Variants in TCF4 observed in about 807,000 individuals in gnomAD.
TCF4 encodes transcription factor 4, also known as SL3-3 enhancer factor 2.
In TCF4, 3 loss-of-function variants were observed where a neutral mutation model predicts 82.1. The observed-to-expected ratio is 0.04, with a 90% CI of 0.02 to 0.09. TCF4 has a LOEUF of 0.09. Ranked by LOEUF, TCF4 falls within the 10% of genes least tolerant of loss-of-function variation. The pLI is 1.00. For missense variants in TCF4, 518 were observed against 852.7 expected (o/e 0.61, Z 4.89); for synonymous variants, 276 against 309.6 (o/e 0.89, Z 1.14).
At chr18:55,381,133 A>G (rs1166026097) in intron 6 of TCF4, among the ~76,000 whole-genome samples, 1 of 152,238 alleles carries the variant, frequency 6.6e-6, no homozygotes, top group Non-Finnish European at 1.5e-5. Flanking sequence ...AGTAAAGAAT[A>G]GCACGAAATG....
intron 5 of TCF4, among the ~76,000 whole-genome samples, chr18:55,422,001 G>C (rs2094778076): frequency 1.3e-5 from 2 of 149,226 alleles, no homozygotes; most frequent in South Asian, 2.1e-4. Context: ...TACATTTGAA[G>C]AACAACACTA....
intron 3 of TCF4, among the ~76,000 whole-genome samples, chr18:55,520,276 T>G (rs1277590109): frequency 6.6e-6 from 1 of 152,172 alleles, no homozygotes; most frequent in Non-Finnish European, 1.5e-5. Context: ...GATAAAGTAC[T>G]GTAAAATAAA....
chr18:55,512,676 A>G (rs2096839992), intron 3 of TCF4, among the ~76,000 whole-genome samples: 2 of 152,130 alleles, frequency 1.3e-5, no homozygotes, highest in Admixed American at 1.3e-4. Context: ...AGTGGTATAT[A>G]TAGATGAGCC....
In TCF4 at chr18:55,228,769, A is replaced by G. The variant is rs8087569; in HGVS notation, c.1879+78T>C. ...GAAAGTCTACTGTCTGCCACTGCTCAAGACTGGCGTGCCCATCTCAGCTTG... is the reference window on the plus strand; with the variant it reads ...GAAAGTCTACTGTCTGCCACTGCTCGAGACTGGCGTGCCCATCTCAGCTTG... On this transcript the variant is annotated intron_variant, in intron 18 of 19. Coordinates refer to ENST00000354452, the MANE Select transcript of TCF4 (RefSeq NM_001083962.2). 0.11 allele frequency: 155,195 copies of G among 1,461,078 alleles called. 9,109 individuals are homozygous for G. Among genetic ancestry groups the G allele is most frequent in the African/African-American group, 0.13 (9,166 of 71,886 alleles). The allele number at this position is 1,461,078 out of a possible 1,614,324, so 90.5% of individuals were successfully genotyped here. A position where few individuals can be genotyped will look rare whatever the true frequency, so the allele number is the denominator to read the frequency against.
chr18:55,524,565 TATTG>T (rs374768885), intron 3 of TCF4, among the ~76,000 whole-genome samples: 145 of 152,266 alleles, frequency 9.5e-4, no homozygotes, highest in African/African-American at 2.5e-3. Context: ...TTGATTAAGT[TATTG>T]ATTAAGTAAA....
chr18:55,261,447 A>G lies in TCF4; in HGVS notation c.990+19T>C, dbSNP rs1406213131. The G allele has an allele frequency of 6.2e-7, 1 of 1,613,610 alleles. No individual in the cohort carries two copies. Among genetic ancestry groups the G allele is most frequent in the Admixed American group, 1.7e-5 (1 of 59,984 alleles). ...CTTTACAATGGTACATATGGAGTCC[A>G]AAGTCAATATTTCCTCACCGAAGCA... is the stretch of plus-strand genomic sequence containing the variant. On this transcript the variant is annotated intron_variant, in intron 12 of 19. Transcript: ENST00000354452.
intron 3 of TCF4, among the ~76,000 whole-genome samples, chr18:55,584,757 A>G (rs1407060753): frequency 1.3e-5 from 2 of 152,172 alleles, no homozygotes; most frequent in East Asian, 1.9e-4. Flanking sequence ...GGTATTTTAA[A>G]TATAAATGAA....
chr18:55,466,821 A>G (rs2096034282), intron 3 of TCF4, among the ~76,000 whole-genome samples: 1 of 152,218 alleles, frequency 6.6e-6, no homozygotes, highest in Non-Finnish European at 1.5e-5. Context: ...GGCAATTTCA[A>G]AAGCGAGCAA....
At chr18:55,274,199 A>G (rs1263070920) in intron 10 of TCF4, among the ~76,000 whole-genome samples, 3 of 152,192 alleles carry the variant, frequency 2.0e-5, no homozygotes, top group African/African-American at 7.2e-5. Flanking sequence ...AATAGTTGAT[A>G]TAGTTGATAT....
chr18:55,287,954 C>A (rs1421327700), intron 8 of TCF4, among the ~76,000 whole-genome samples: 3 of 151,950 alleles, frequency 2.0e-5, no homozygotes, highest in African/African-American at 7.3e-5. Flanking sequence ...GGAAAAAAAA[C>A]CCTGCTTCAA....
intron 8 of TCF4, among the ~76,000 whole-genome samples, chr18:55,329,443 C>T (rs1006496783): frequency 6.6e-6 from 1 of 152,018 alleles, no homozygotes; most frequent in Non-Finnish European, 1.5e-5. Flanking sequence ...GTAAATCCCA[C>T]GAGTAATCTA....
intron 5 of TCF4, among the ~76,000 whole-genome samples, chr18:55,438,459 C>T (rs2095375115): frequency 6.6e-6 from 1 of 152,134 alleles, no homozygotes; most frequent in African/African-American, 2.4e-5. Context: ...CAAACTGCAA[C>T]TCACTCTACA....
At chr18:55,475,376 G>C (rs977458995) in intron 3 of TCF4, among the ~76,000 whole-genome samples, 1 of 152,076 alleles carries the variant, frequency 6.6e-6, no homozygotes, top group Non-Finnish European at 1.5e-5. Flanking sequence ...TCCTTCCCAG[G>C]ACATCACTTC....
intron 6 of TCF4, chr18:55,401,000 C>T (rs1258447441): frequency 1.6e-6 from 2 of 1,289,000 alleles, no homozygotes; most frequent in Non-Finnish European, 2.0e-6. Context: ...GAGTCACTCA[C>T]CTTGTCACAC....
intron 1 of TCF4, among the ~76,000 whole-genome samples, chr18:55,587,366 AAAAAAAAAGC>A (rs2097659705): frequency 6.8e-6 from 1 of 147,270 alleles, no homozygotes; most frequent in Non-Finnish European, 1.5e-5. Flanking sequence ...AAAAAAAAAA[AAAAAAAAAGC>A]GATATTGTAT....
rs145467344 is a variant in TCF4, at chr18:55,615,447, G to T, written c.286+15851C>A. 1.8e-3 allele frequency among the ~76,000 whole-genome samples: 270 copies of T among 151,572 alleles called. 3 individuals are homozygous for T. Among genetic ancestry groups the T allele is most frequent in the East Asian group, 0.016 (85 of 5,168 alleles). On this transcript the variant is annotated intron_variant, in intron 2 of 20. Coordinates refer to the TCF4 transcript ENST00000398339. ...TTTTTTTTAAGATTCCACCAGATTT[G>T]CTACATAGGTGATCATGTCTTTAGA... is the stretch of plus-strand genomic sequence containing the variant.
chr18:55,515,195 A>T (rs1467225827), intron 3 of TCF4, among the ~76,000 whole-genome samples: 1 of 152,204 alleles, frequency 6.6e-6, no homozygotes, highest in African/African-American at 2.4e-5. Flanking sequence ...AAGTCAGGCA[A>T]GTAGATGAGA....
chr18:55,256,793 T>C (rs1195882820), intron 14 of TCF4, among the ~76,000 whole-genome samples: 1 of 152,162 alleles, frequency 6.6e-6, no homozygotes, highest in African/African-American at 2.4e-5. Flanking sequence ...CACTGAATCA[T>C]CATGTGAGTA....
chr18:55,464,859 A>G (rs996516863), intron 3 of TCF4, among the ~76,000 whole-genome samples: 5 of 152,186 alleles, frequency 3.3e-5, no homozygotes, highest in African/African-American at 1.2e-4. Context: ...ACCTACATGA[A>G]CCATCGAAAA....
Sources: allele counts gnomAD v4.1 joint callset (sites outside exome capture counted in the v4.1 genomes callset), GRCh38; gene constraint gnomAD v4.1.1; transcripts MANE v1.5; gene names NCBI Gene and HGNC (gene_info 2026-07-23, HGNC 2026-07-21).